Variants in RASGRP3 observed in about 807,000 individuals in gnomAD.
The protein encoded by RASGRP3 is ras guanyl-releasing protein 3.
A neutral mutation model predicts 82.7 loss-of-function variants in RASGRP3; 54 were observed. The observed-to-expected ratio is 0.65, with a 90% CI of 0.52 to 0.82. The LOEUF is 0.82. Among genes scored for constraint, RASGRP3 ranks in the 40% least tolerant of loss-of-function variants. The probability of loss-of-function intolerance (pLI) is 0.00; values close to 1 mark genes in which losing one functional copy is unlikely to be tolerated. For synonymous variants in RASGRP3, 309 were observed against 300.5 expected (o/e 1.03, Z -0.29); for missense variants, 861 against 828.9 (o/e 1.04, Z -0.48).
chr2:33,520,605 C>A lies in RASGRP3; in HGVS notation c.289C>A (p.Arg97Ser). ...AEFNLDLGLI[R>S]MTEEFREVAS... ...GTTTAATTTGGATCTTGGTTTGATTCGTATGACTGAGGAATTTCGGGAAGT... is the reference window on the plus strand; with the variant it reads ...GTTTAATTTGGATCTTGGTTTGATTAGTATGACTGAGGAATTTCGGGAAGT... Residue 97 changes from arginine (R) to serine (S), a missense_variant, in exon 6 of 18, where the codon CGT becomes AGT. Transcript: ENST00000403687. 1 of 1,613,912 alleles carries A rather than the reference C, an allele frequency of 6.2e-7. No individual in the cohort carries two copies. Among genetic ancestry groups the A allele is most frequent in the Non-Finnish European group, 8.5e-7 (1 of 1,179,840 alleles).
intron 1 of RASGRP3, among the ~76,000 whole-genome samples, chr2:33,443,726 A>AAG (rs1665352437): frequency 6.6e-6 from 1 of 151,040 alleles, no homozygotes; most frequent in African/African-American, 2.4e-5. Context: ...AAAAAAAAAA[A>AAG]AAAAAATAGC....
At chr2:33,559,158 G>A (rs551225368) in intron 17 of RASGRP3, 128 bp downstream of exon 17, 4 of 769,502 alleles carry the variant, frequency 5.2e-6, no homozygotes, top group East Asian at 5.4e-5. Flanking sequence ...ATGAAGACAT[G>A]TATCACTTTT....
At chr2:33,447,791 T>C (rs142011345) in intron 1 of RASGRP3, 1 of 152,228 alleles carries the variant, frequency 6.6e-6, no homozygotes, top group African/African-American at 2.4e-5. Context: ...CCTTCTTCAA[T>C]GTCTTCTCTC....
rs114757663 is a variant in RASGRP3 at position 33,439,163 on chromosome 2, C to G, written c.-385+2572C>G. Reference sequence around the variant, plus strand: ...ACAAGCAGCACCACACCATGAACACCTATTTATTAAGTTTTCTAACTTACA... The same window carrying G: ...ACAAGCAGCACCACACCATGAACACGTATTTATTAAGTTTTCTAACTTACA... On this transcript the variant is annotated intron_variant, in intron 1 of 18. Transcript: ENST00000402538. 9.0e-3 allele frequency among the ~76,000 whole-genome samples: 1,367 copies of G among 152,294 alleles called. 16 individuals are homozygous for G. Among genetic ancestry groups the G allele is most frequent in the African/African-American group, 0.032 (1,320 of 41,564 alleles).
chr2:33,468,012 CTT>C (rs1666817258), intron 2 of RASGRP3, among the ~76,000 whole-genome samples: 8 of 130,964 alleles, frequency 6.1e-5, no homozygotes, highest in Admixed American at 3.6e-4. Context: ...TTCTTTCTTT[CTT>C]TCTTTCTTTC....
At chr2:33,494,909 G>A (rs189590988) in intron 1 of RASGRP3, among the ~76,000 whole-genome samples, 167 of 152,332 alleles carry the variant, frequency 1.1e-3, no homozygotes, top group Non-Finnish European at 1.6e-4. Context: ...TAATGTCTTA[G>A]ACTAACCAAG....
chr2:33,535,232 A>C (rs771543984), intron 11 of RASGRP3, among the ~76,000 whole-genome samples: 1 of 152,258 alleles, frequency 6.6e-6, no homozygotes, highest in Non-Finnish European at 1.5e-5. Context: ...TAAACATTAT[A>C]TAATGAGATT....
intron 2 of RASGRP3, among the ~76,000 whole-genome samples, chr2:33,513,043 C>T (rs1014895834): frequency 9.9e-5 from 15 of 152,172 alleles, no homozygotes; most frequent in Non-Finnish European, 5.9e-5. Flanking sequence ...AAAGGCCTTA[C>T]AGATAAGGTA....
chr2:33,562,353 G>A (rs949687753), intron 17 of RASGRP3, among the ~76,000 whole-genome samples: 3 of 148,624 alleles, frequency 2.0e-5, no homozygotes, highest in East Asian at 2.0e-4. Flanking sequence ...CCACAGCCTC[G>A]AACTCCTGGG....
chr2:33,562,322 C>A (rs1307127879), intron 17 of RASGRP3, among the ~76,000 whole-genome samples: 1 of 148,834 alleles, frequency 6.7e-6, no homozygotes, highest in Non-Finnish European at 1.5e-5. Context: ...GGCAGGACTG[C>A]AGTGGTACAG....
At position 33,564,471 on chromosome 2, in the gene RASGRP3, T is replaced by C. The variant is rs1474539261; in HGVS notation, c.*1734T>C. The C allele has an allele frequency of 2.6e-5, 4 of 152,218 alleles. No individual in the cohort carries two copies. Among genetic ancestry groups the C allele is most frequent in the Non-Finnish European group, 5.9e-5 (4 of 68,038 alleles). 9.4% of individuals were successfully genotyped at this position (152,218 alleles called of 1,614,324 possible). A position where few individuals can be genotyped will look rare whatever the true frequency, so the allele number is the denominator to read the frequency against. Reference sequence around the variant, plus strand: ...ACTACTATCCATAAATGCAATAATATGCATGTTAACAACATTAAAAACAGC... The same window carrying C: ...ACTACTATCCATAAATGCAATAATACGCATGTTAACAACATTAAAAACAGC... On this transcript the variant is annotated 3_prime_UTR_variant, in exon 18 of 18. Coordinates refer to ENST00000403687, the MANE Select transcript of RASGRP3 (RefSeq NM_001139488.2).
At chr2:33,560,527 A>G (rs1172112937) in intron 17 of RASGRP3, among the ~76,000 whole-genome samples, 1 of 152,226 alleles carries the variant, frequency 6.6e-6, no homozygotes, top group African/African-American at 2.4e-5. Flanking sequence ...TTCTGGGAAG[A>G]GGAGTCCATG....
rs1675192955 is a variant in RASGRP3 at position 33,549,752 on chromosome 2, G to T, written c.1542+1G>T. On this transcript the variant is annotated splice_donor_variant, in intron 14 of 17. Coordinates refer to ENST00000403687, the MANE Select transcript of RASGRP3 (RefSeq NM_001139488.2). LOFTEE classifies it high-confidence loss of function. ...CTTCTGCGAACACTGTGCGGGATTT[G>T]TAAGTCTGTTTTCCGTTGTTTTCTT... 2 of 1,611,646 alleles carry T rather than the reference G, an allele frequency of 1.2e-6. No individual in the cohort carries two copies. The highest frequency in any genetic ancestry group is 8.5e-7 in the Non-Finnish European group (1 of 1,179,150).
chr2:33,470,704 T>C (rs6729742), intron 2 of RASGRP3, among the ~76,000 whole-genome samples: 7,929 of 152,210 alleles, frequency 0.052, 673 homozygotes, highest in African/African-American at 0.18. Flanking sequence ...TTATGTTTTC[T>C]AAGTTTTTGT....
chr2:33,533,649 G>C (rs1273518887), intron 10 of RASGRP3: 1 of 152,172 alleles, frequency 6.6e-6, no homozygotes, highest in Non-Finnish European at 1.5e-5. Flanking sequence ...CCAGTGGCAG[G>C]CTGCATGCTT....
chr2:33,544,668 C>G (rs1245038967), intron 13 of RASGRP3, among the ~76,000 whole-genome samples: 9 of 152,044 alleles, frequency 5.9e-5, no homozygotes, highest in Non-Finnish European at 1.3e-4. Flanking sequence ...TTAAAATTCT[C>G]TAATATTTTT....
intron 12 of RASGRP3, 68 bp from the exon 13 acceptor site, chr2:33,543,444 G>A: frequency 3.2e-6 from 3 of 924,800 alleles, no homozygotes; most frequent in Non-Finnish European, 5.0e-6. Flanking sequence ...AGTTATCGTT[G>A]CTTTTGCAAT....
intron 8 of RASGRP3, 96 bp downstream of exon 8, chr2:33,524,148 G>A (rs1171279917): frequency 7.2e-7 from 1 of 1,386,804 alleles, no homozygotes; most frequent in African/African-American, 1.5e-5. Flanking sequence ...ACAGTATAAG[G>A]GCATCGGACA....
chr2:33,450,491 C>G (rs1665726894), intron 2 of RASGRP3, among the ~76,000 whole-genome samples: 1 of 152,278 alleles, frequency 6.6e-6, no homozygotes, highest in African/African-American at 2.4e-5. Flanking sequence ...CTTTCTGTGT[C>G]TGGCTTATTT....
Sources: allele counts gnomAD v4.1 joint callset (sites outside exome capture counted in the v4.1 genomes callset), GRCh38; gene constraint gnomAD v4.1.1; transcripts MANE v1.5; gene names NCBI Gene and HGNC (gene_info 2026-07-23, HGNC 2026-07-21).